The following PCM1 variants were observed in gnomAD, a reference collection of about 807,000 sequenced individuals.
PCM1 encodes pericentriolar material 1, also known as pericentriolar material 1 protein.
In PCM1, 157 loss-of-function variants were observed where a neutral mutation model predicts 241.9. The ratio of observed to expected loss-of-function variants is 0.65; its 90% confidence interval spans 0.57 to 0.74. The LOEUF is 0.74. Among genes scored for constraint, PCM1 ranks in the 30% least tolerant of loss-of-function variants. The pLI, the probability that PCM1 is intolerant of heterozygous loss-of-function variation, is 0.00. For missense variants in PCM1, 3,478 were observed against 2,360.1 expected, an observed-to-expected ratio of 1.47 and a Z score of -9.81; for synonymous variants, 1,085 against 784.9, an observed-to-expected ratio of 1.38 and a Z score of -6.39.
At chr8:17,998,487 T>A (rs2087844870) in intron 29 of PCM1, among the ~76,000 whole-genome samples, 1 of 152,190 alleles carries the variant, frequency 6.6e-6, no homozygotes, top group South Asian at 2.1e-4. Flanking sequence ...AGACTTCTGT[T>A]CTCTTCCTTT....
intron 24 of PCM1, among the ~76,000 whole-genome samples, chr8:17,983,689 G>C (rs2129476222): frequency 6.6e-6 from 1 of 152,228 alleles, no homozygotes; most frequent in South Asian, 2.1e-4. Flanking sequence ...ACAAAACAAT[G>C]ATTACATGCA....
At chr8:17,999,136 T>C (rs2088183901) in intron 29 of PCM1, among the ~76,000 whole-genome samples, 1 of 152,110 alleles carries the variant, frequency 6.6e-6, no homozygotes, top group Non-Finnish European at 1.5e-5. Flanking sequence ...TGCTTGGTGC[T>C]CTACCCCACT....
rs186535032 is a variant in PCM1, at chr8:17,955,067, C to T, written c.1289-403C>T. ...TACAGATTGAGTACTGCACATGATT[C>T]ATAGTGGCCCTGTTTAACTTAACCT... is the stretch of plus-strand genomic sequence containing the variant. On this transcript the variant is annotated intron_variant, in intron 9 of 38. Coordinates refer to ENST00000325083, the MANE Select transcript of PCM1 (RefSeq NM_006197.4). Among the ~76,000 whole-genome samples, 59 of 152,202 alleles carry T rather than the reference C, an allele frequency of 3.9e-4. No individual in the cohort carries two copies. In the South Asian group the frequency reaches 0.011, roughly 28 times the overall value.
chr8:17,980,337 C>G (rs1057469224), intron 23 of PCM1: 9 of 292,882 alleles, frequency 3.1e-5, no homozygotes, highest in Non-Finnish European at 5.0e-5. Flanking sequence ...CTGCCATATA[C>G]TTCGAATTGG....
At chr8:18,014,888 C>G (rs1340342438) in intron 36 of PCM1, 48 bp downstream of exon 36, 2 of 1,451,534 alleles carry the variant, frequency 1.4e-6, no homozygotes. Flanking sequence ...CATTTCTGTG[C>G]ATATTTCTTC....
At chr8:17,992,716 A>C (rs2085184631) in intron 28 of PCM1, among the ~76,000 whole-genome samples, 1 of 151,416 alleles carries the variant, frequency 6.6e-6, no homozygotes, top group Non-Finnish European at 1.5e-5. Flanking sequence ...TGCCAGGCTC[A>C]AGTGATTCTC....
At chr8:17,969,421 A>C in intron 21 of PCM1, 156 bp from the exon 22 acceptor site, 1 of 599,730 alleles carries the variant, frequency 1.7e-6, no homozygotes, top group South Asian at 2.2e-5. Context: ...TAAGCTGTGA[A>C]CAGTGATTGG....
At chr8:17,960,229 G>C (rs770862167) in intron 14 of PCM1, 64 bp downstream of exon 14, 1 of 1,551,904 alleles carries the variant, frequency 6.4e-7, no homozygotes. Context: ...TGGAGAAGGT[G>C]CTCAGCTAGG....
At position 17,939,867 on chromosome 8, in the gene PCM1, T is replaced by C. The variant is rs1294028160; in HGVS notation, c.783+6T>C. 7.1e-7 allele frequency: 1 copy of C among 1,416,210 alleles called. No individual in the cohort carries two copies. The highest frequency in any genetic ancestry group is 9.6e-7 in the Non-Finnish European group (1 of 1,036,936). The allele number at this position is 1,416,210 out of a possible 1,614,324, so 87.7% of individuals were successfully genotyped here. ...AATTTCTTAAAAAAATCCTTGTAAGTATTCGACTTTTAAAATAACATATTA... is the reference window on the plus strand; with the variant it reads ...AATTTCTTAAAAAAATCCTTGTAAGCATTCGACTTTTAAAATAACATATTA... On this transcript the variant is annotated splice_donor_region_variant and intron_variant, in intron 6 of 38. Transcript: ENST00000325083.
intron 10 of PCM1, 68 bp downstream of exon 10, chr8:17,955,721 T>A (rs544960811): frequency 1.7e-6 from 2 of 1,183,294 alleles, no homozygotes; most frequent in East Asian, 2.4e-5. Context: ...TTTTTTTTTA[T>A]GTTGAAAATT....
chr8:17,935,471 C>T (rs2060150244), intron 2 of PCM1, 118 bp from the exon 3 acceptor site: 1 of 592,286 alleles, frequency 1.7e-6, no homozygotes, highest in Non-Finnish European at 3.1e-6. Context: ...GACAGTGCCT[C>T]ATTTTAGTTC....
intron 38 of PCM1, among the ~76,000 whole-genome samples, chr8:18,026,175 A>G: frequency 7.0e-6 from 1 of 143,670 alleles, no homozygotes; most frequent in Non-Finnish European, 1.5e-5. Flanking sequence ...GAAACAAAAA[A>G]AAAAAAAAAA....
At chr8:18,018,376 T>C (rs2093423331) in intron 36 of PCM1, among the ~76,000 whole-genome samples, 1 of 152,204 alleles carries the variant, frequency 6.6e-6, no homozygotes, top group African/African-American at 2.4e-5. Flanking sequence ...AGATTAAAAG[T>C]GGTAAGCCTA....
intron 34 of PCM1, 49 bp downstream of exon 34, chr8:18,011,876 T>C (rs1441328539): frequency 6.7e-7 from 1 of 1,485,980 alleles, no homozygotes; most frequent in East Asian, 2.3e-5. Context: ...TTTTAACTAA[T>C]CAAACTTCCA....
chr8:17,995,246 G>T (rs2086263036), intron 29 of PCM1, among the ~76,000 whole-genome samples: 1 of 151,516 alleles, frequency 6.6e-6, no homozygotes, highest in Admixed American at 6.6e-5. Context: ...TCTGCATATG[G>T]ATATCCAGTT....
intron 10 of PCM1, among the ~76,000 whole-genome samples, chr8:17,956,309 A>G (rs2068454567): frequency 6.6e-6 from 1 of 152,182 alleles, no homozygotes; most frequent in Non-Finnish European, 1.5e-5. Flanking sequence ...TCTTTTTGAC[A>G]TCAGGTTTTC....
intron 36 of PCM1, among the ~76,000 whole-genome samples, chr8:18,016,917 T>G (rs778757585): frequency 6.6e-6 from 1 of 152,214 alleles, no homozygotes; most frequent in African/African-American, 2.4e-5. Flanking sequence ...CTCAGAGCCA[T>G]AGCAAAAGAT....
chr8:17,924,406 G>A (rs2056040238), intron 1 of PCM1, among the ~76,000 whole-genome samples: 1 of 152,218 alleles, frequency 6.6e-6, no homozygotes, highest in Non-Finnish European at 1.5e-5. Context: ...AATCAGAGGA[G>A]TAAACTTTGG....
intron 36 of PCM1, among the ~76,000 whole-genome samples, chr8:18,021,893 A>G (rs1170377385): frequency 7.2e-5 from 11 of 152,200 alleles, no homozygotes; most frequent in Admixed American, 1.3e-4. Flanking sequence ...AAATGACTCA[A>G]TACTCTAAGA....
Sources: allele counts gnomAD v4.1 joint callset (sites outside exome capture counted in the v4.1 genomes callset), GRCh38; gene constraint gnomAD v4.1.1; transcripts MANE v1.5; gene names NCBI Gene and HGNC (gene_info 2026-07-23, HGNC 2026-07-21).